IGF1R: variants seen among roughly 807,000 people sequenced by gnomAD.
IGF1R encodes insulin like growth factor 1 receptor, also known as insulin-like growth factor 1 receptor.
IGF1R carries 44 observed loss-of-function variants against 144.6 expected under a neutral mutation model. The ratio of observed to expected loss-of-function variants is 0.30; its 90% confidence interval spans 0.24 to 0.39. The LOEUF (loss-of-function observed/expected upper bound fraction) is 0.39, where lower values mean the gene tolerates loss of function less well. IGF1R is among the 10% of genes least tolerant of loss of function. The pLI is 1.00. For synonymous variants in IGF1R, 795 were observed against 722.8 expected (o/e 1.10, Z -1.60); for missense variants, 1,355 against 1,833.7 (o/e 0.74, Z 4.77).
At chr15:98,884,141 G>A (rs2013520539) in intron 2 of IGF1R, among the ~76,000 whole-genome samples, 1 of 152,088 alleles carries the variant, frequency 6.6e-6, no homozygotes, top group African/African-American at 2.4e-5. Flanking sequence ...GGGCTGCTAG[G>A]CCCCTGTGAA....
intron 1 of IGF1R, among the ~76,000 whole-genome samples, chr15:98,653,038 C>T (rs1057027327): frequency 1.1e-4 from 16 of 151,382 alleles, no homozygotes; most frequent in African/African-American, 3.6e-4. Flanking sequence ...TGATGTCTCT[C>T]TCTCTTTTCA....
intron 1 of IGF1R, among the ~76,000 whole-genome samples, chr15:98,686,138 T>C (rs1366525241): frequency 2.0e-5 from 3 of 152,256 alleles, no homozygotes; most frequent in Non-Finnish European, 4.4e-5. Context: ...GTACACTATT[T>C]GTCCTTTTGT....
intron 2 of IGF1R, among the ~76,000 whole-genome samples, chr15:98,720,688 T>C (rs2054227114): frequency 6.6e-6 from 1 of 152,168 alleles, no homozygotes. Flanking sequence ...GAGCAGGAAA[T>C]TCAGGTAGGA....
intron 2 of IGF1R, among the ~76,000 whole-genome samples, chr15:98,837,085 A>AT (rs911516440): frequency 6.6e-6 from 1 of 151,760 alleles, no homozygotes; most frequent in Non-Finnish European, 1.5e-5. Context: ...CTCTTTTTTC[A>AT]TATTTCTTTT....
chr15:98,914,643 T>C (rs1246322465), intron 8 of IGF1R, among the ~76,000 whole-genome samples: 1 of 152,104 alleles, frequency 6.6e-6, no homozygotes, highest in African/African-American at 2.4e-5. Flanking sequence ...CAATTCACTG[T>C]AGTGTTTGGG....
intron 2 of IGF1R, among the ~76,000 whole-genome samples, chr15:98,812,557 C>T (rs750595677): frequency 4.2e-4 from 64 of 151,932 alleles, no homozygotes; most frequent in Non-Finnish European, 9.0e-4. Context: ...GGGGTTTTGC[C>T]ATATTGGCCA....
intron 2 of IGF1R, among the ~76,000 whole-genome samples, chr15:98,887,557 A>C (rs114441109): frequency 0.03 from 4,612 of 152,288 alleles, 219 homozygotes; most frequent in African/African-American, 0.1. Flanking sequence ...TTAGTGTCTG[A>C]TGATGATGGT....
chr15:98,798,789 T>C (rs1189512236), intron 2 of IGF1R, among the ~76,000 whole-genome samples: 2 of 151,940 alleles, frequency 1.3e-5, no homozygotes, highest in Non-Finnish European at 2.9e-5. Context: ...GTTCTCTGTG[T>C]TGGAAAGTTA....
At chr15:98,799,421 G>A (rs1229283469) in intron 2 of IGF1R, among the ~76,000 whole-genome samples, 1 of 151,886 alleles carries the variant, frequency 6.6e-6, no homozygotes, top group African/African-American at 2.4e-5. Flanking sequence ...GCCTCTAGGA[G>A]GTGTGGGTAA....
At chr15:98,699,340 A>G (rs952632498) in intron 1 of IGF1R, among the ~76,000 whole-genome samples, 3 of 152,160 alleles carry the variant, frequency 2.0e-5, no homozygotes, top group African/African-American at 4.8e-5. Context: ...GAGGGACTCT[A>G]TCTCCTGGTG....
chr15:98,832,377 T>C (rs1259673801), intron 2 of IGF1R, among the ~76,000 whole-genome samples: 1 of 152,130 alleles, frequency 6.6e-6, no homozygotes, highest in Non-Finnish European at 1.5e-5. Context: ...CAGGAGCTCA[T>C]TATGTTTTTA....
chr15:98,706,968 C>T (rs2053879566), intron 1 of IGF1R, among the ~76,000 whole-genome samples: 1 of 151,866 alleles, frequency 6.6e-6, no homozygotes, highest in African/African-American at 2.4e-5. Context: ...TTTATGTCTA[C>T]ATTAATGCAC....
At chr15:98,650,820 C>A in intron 1 of IGF1R, 1 of 773,124 alleles carries the variant, frequency 1.3e-6, no homozygotes, top group Non-Finnish European at 1.6e-6. Context: ...AGTTAATAAG[C>A]AGTGTCGCTC....
intron 2 of IGF1R, among the ~76,000 whole-genome samples, chr15:98,835,125 AC>A (rs1239672368): frequency 6.7e-6 from 1 of 148,808 alleles, no homozygotes; most frequent in Non-Finnish European, 1.5e-5. Context: ...ACACCCACAC[AC>A]ACCCACCCCT....
At chr15:98,906,854 GCT>G (rs1485451835) in intron 5 of IGF1R, among the ~76,000 whole-genome samples, 1 of 152,204 alleles carries the variant, frequency 6.6e-6, no homozygotes, top group Non-Finnish European at 1.5e-5. Context: ...AGCTTCAGAG[GCT>G]CTGTCTTTCG....
chr15:98,957,408 GGGCCTTGCCGCT>G lies in IGF1R; in HGVS notation c.4072_4083del (p.Ala1358_Leu1361del). 6.2e-7 allele frequency: 1 copy of G among 1,613,262 alleles called. No individual in the cohort carries two copies. The highest frequency in any genetic ancestry group is 1.7e-5 in the Admixed American group (1 of 60,032). On this transcript the variant is annotated inframe_deletion, in exon 21 of 21. Transcript: ENST00000650285. ...ATGAACGGGGGCCGCAAGAACGAGC[GGGCCTTGCCGCT>G]GCCCCAGTCTTCGACCTGCTGATCC...
intron 2 of IGF1R, among the ~76,000 whole-genome samples, chr15:98,794,080 A>C (rs2056186428): frequency 6.6e-6 from 1 of 152,224 alleles, no homozygotes; most frequent in Admixed American, 6.5e-5. Context: ...GTTGGTCACA[A>C]ATGGCAGTGT....
chr15:98,750,366 C>G (rs2054980015), intron 2 of IGF1R, among the ~76,000 whole-genome samples: 1 of 152,232 alleles, frequency 6.6e-6, no homozygotes, highest in Non-Finnish European at 1.5e-5. Context: ...CCTAGGAGGG[C>G]CCCTGGATTT....
rs1216662939 is a variant in IGF1R at position 98,704,516 on chromosome 15, T to G, written c.95-3046T>G. On this transcript the variant is annotated intron_variant, in intron 1 of 20. Coordinates refer to ENST00000650285, the MANE Select transcript of IGF1R (RefSeq NM_000875.5). This position sits in a 1 kb window ranked among gnomAD's most constrained non-coding sequence, Gnocchi z 4.9. ...GGAGGCTGGATCATGGGGAATGTGT[T>G]GCTTTAGGCCAAGCTGGAGTTGATA... Among the ~76,000 whole-genome samples, 1 of 152,110 alleles carries G rather than the reference T, an allele frequency of 6.6e-6. No individual in the cohort carries two copies. The highest frequency in any genetic ancestry group is 1.5e-5 in the Non-Finnish European group (1 of 68,020).
Sources: allele counts gnomAD v4.1 joint callset (sites outside exome capture counted in the v4.1 genomes callset), GRCh38; gene constraint gnomAD v4.1.1; non-coding constraint Gnocchi (gnomAD v3.1); transcripts MANE v1.5; gene names NCBI Gene and HGNC (gene_info 2026-07-23, HGNC 2026-07-21).